ANXA8: variants seen among roughly 807,000 people sequenced by gnomAD.
ANXA8 encodes annexin A8.
Under a neutral mutation model 26.8 loss-of-function variants are expected in ANXA8, and 9 were observed. The ratio of observed to expected loss-of-function variants is 0.34; its 90% CI spans 0.20 to 0.59. The LOEUF (loss-of-function observed/expected upper bound fraction) is 0.59. Ranked by LOEUF, ANXA8 falls within the 20% of genes least tolerant of loss-of-function variation. The pLI is 0.84. For missense variants in ANXA8, 83 were observed against 238.5 expected (o/e 0.35, Z 4.29); for synonymous variants, 39 against 94.8 (o/e 0.41, Z 3.42).
the ANXA8 span, among the ~76,000 whole-genome samples, chr10:47,659,189 T>C: frequency 1.3e-5 from 2 of 151,738 alleles, no homozygotes; most frequent in Non-Finnish European, 2.9e-5. Context: ...GTTTTTAATA[T>C]AGCCAGCACA....
the ANXA8 span, among the ~76,000 whole-genome samples, chr10:47,950,933 C>T: frequency 6.7e-6 from 1 of 150,292 alleles, no homozygotes; most frequent in East Asian, 2.0e-4. Context: ...GCCAATTAAA[C>T]CTAATGTAAG....
chr10:47,985,853 T>C, the ANXA8 span: 1 of 148,774 alleles, frequency 6.7e-6, no homozygotes, highest in Non-Finnish European at 1.5e-5. Context: ...TATTCTTTCA[T>C]ACCTGACTTC....
chr10:47,593,218 T>C, the ANXA8 span, among the ~76,000 whole-genome samples: 1 of 148,382 alleles, frequency 6.7e-6, no homozygotes, highest in Non-Finnish European at 1.5e-5. Flanking sequence ...GAGAGTTGTG[T>C]GTCCCTAGAG....
chr10:47,695,751 CCT>C, the ANXA8 span, among the ~76,000 whole-genome samples: 1 of 151,762 alleles, frequency 6.6e-6, no homozygotes, highest in Non-Finnish European at 1.5e-5. Context: ...GCTCCCTTCC[CCT>C]CTTTCTCTTT....
chr10:47,737,068 C>G, the ANXA8 span, among the ~76,000 whole-genome samples: 2 of 148,248 alleles, frequency 1.3e-5, no homozygotes, highest in Non-Finnish European at 3.0e-5. Flanking sequence ...GTGGGAGAAG[C>G]CTTTTATTAA....
chr10:47,991,723 T>C, the ANXA8 span: 33 of 1,611,070 alleles, frequency 2.0e-5, no homozygotes, highest in Admixed American at 3.0e-4. Context: ...GGGGGCACCT[T>C]TCTCACGGAG....
the ANXA8 span, among the ~76,000 whole-genome samples, chr10:47,682,136 A>G: frequency 6.9e-6 from 1 of 144,470 alleles, no homozygotes; most frequent in Non-Finnish European, 1.5e-5. Flanking sequence ...TGTGTATCAT[A>G]GTTTTTAGAC....
the ANXA8 span, chr10:47,715,578 C>G: frequency 6.9e-7 from 1 of 1,455,656 alleles, no homozygotes; most frequent in South Asian, 1.2e-5. Context: ...TCAGATCAAT[C>G]TATTTAATCT....
At chr10:47,583,853 CA>C in the ANXA8 span, among the ~76,000 whole-genome samples, 1 of 140,000 alleles carries the variant, frequency 7.1e-6, no homozygotes, top group Admixed American at 7.0e-5. Flanking sequence ...GCACAGCCTG[CA>C]AGCAGAAGCC....
At chr10:47,699,344 CAAAAAAAAA>C in the ANXA8 span, among the ~76,000 whole-genome samples, 1 of 54,210 alleles carries the variant, frequency 1.8e-5, no homozygotes, top group East Asian at 5.9e-4. Context: ...ATTCTGTCTC[CAAAAAAAAA>C]AAAAAAAAAA....
the ANXA8 span, among the ~76,000 whole-genome samples, chr10:47,680,078 A>G: frequency 6.6e-6 from 1 of 151,210 alleles, no homozygotes; most frequent in Non-Finnish European, 1.5e-5. Context: ...TGGATTCAAG[A>G]TGATTCTTTT....
At chr10:47,896,904 T>TTTTATTTATTTA in the ANXA8 span, among the ~76,000 whole-genome samples, 835 of 146,000 alleles carry the variant, frequency 5.7e-3, 18 homozygotes, top group East Asian at 0.03. Flanking sequence ...AATGAAGAGA[T>TTTTATTTATTTA]TTTATTTATT....
chr10:47,952,634 G>A, the ANXA8 span, among the ~76,000 whole-genome samples: 10 of 146,628 alleles, frequency 6.8e-5, no homozygotes, highest in African/African-American at 2.6e-4. Context: ...GGTTGAAATT[G>A]ACAAAGCGAT....
At chr10:47,683,338 C>A in the ANXA8 span, among the ~76,000 whole-genome samples, 1 of 149,950 alleles carries the variant, frequency 6.7e-6, no homozygotes, top group Non-Finnish European at 1.5e-5. Context: ...ACGCCATGCT[C>A]CTGCCTCAGC....
chr10:47,737,659 C>T, the ANXA8 span, among the ~76,000 whole-genome samples: 1 of 149,878 alleles, frequency 6.7e-6, no homozygotes, highest in African/African-American at 2.4e-5. Flanking sequence ...TTTTATTCCC[C>T]ATTAAGAGTA....
the ANXA8 span, among the ~76,000 whole-genome samples, chr10:47,586,870 G>C: frequency 1.3e-3 from 186 of 146,328 alleles, 7 homozygotes; most frequent in Admixed American, 0.011. Flanking sequence ...TTTTTGAGCA[G>C]GGGGTCACTG....
chr10:47,646,333 C>G, the ANXA8 span, among the ~76,000 whole-genome samples: 1 of 140,730 alleles, frequency 7.1e-6, no homozygotes, highest in Non-Finnish European at 1.5e-5. Flanking sequence ...TAGCTAGCTA[C>G]TCTCCTCAAG....
chr10:47,768,114 A>G, the ANXA8 span, among the ~76,000 whole-genome samples: 8 of 150,680 alleles, frequency 5.3e-5, no homozygotes, highest in Middle Eastern at 3.5e-3. Flanking sequence ...TCCTTCCTCA[A>G]TCGTCACCTC....
chr10:47,487,978 T>A (rs1840076903), upstream of ANXA8, among the ~76,000 whole-genome samples: 1 of 149,900 alleles, frequency 6.7e-6, no homozygotes, highest in Non-Finnish European at 1.5e-5. Flanking sequence ...TCAGTCTTAA[T>A]GTAATGATAT....
Sources: gnomAD v4.1 joint callset for allele counts (sites outside exome capture counted in the v4.1 genomes callset) on GRCh38, gnomAD v4.1.1 for gene constraint, MANE v1.5 for transcripts, NCBI Gene and HGNC (gene_info 2026-07-23, HGNC 2026-07-21) for gene names.